Variants in KCNJ3 observed in about 807,000 individuals in gnomAD.
KCNJ3 encodes the protein potassium inwardly rectifying channel subfamily J member 3, also known as G protein-activated inward rectifier potassium channel 1.
Under a neutral mutation model 39.2 loss-of-function variants are expected in KCNJ3, and 4 were observed. The ratio of observed to expected loss-of-function variants is 0.10; its 90% CI spans 0.05 to 0.23. The LOEUF is 0.23. KCNJ3 is among the 10% of genes least tolerant of loss of function. The pLI is 1.00. For synonymous variants in KCNJ3, 230 were observed against 237.4 expected (o/e 0.97, Z 0.29); for missense variants, 276 against 634.9 (o/e 0.43, Z 6.08).
At chr2:154,748,227 T>C (rs1479090887) in intron 2 of KCNJ3, among the ~76,000 whole-genome samples, 2 of 152,066 alleles carry the variant, frequency 1.3e-5, no homozygotes, top group Non-Finnish European at 2.9e-5. Context: ...ACTGACTAAA[T>C]AACACTCTTT....
chr2:154,833,045 A>G (rs943405557), intron 2 of KCNJ3, among the ~76,000 whole-genome samples: 1 of 152,244 alleles, frequency 6.6e-6, no homozygotes, highest in African/African-American at 2.4e-5. Flanking sequence ...TTAAATTTTT[A>G]AAATTCCTTG....
Position 154,856,274 on chromosome 2 carries a change from G to A in KCNJ3, c.*961G>A, listed in dbSNP as rs1169681867. On this transcript the variant is annotated 3_prime_UTR_variant, in exon 3 of 3. Coordinates refer to ENST00000295101, the MANE Select transcript of KCNJ3 (RefSeq NM_002239.4). ...CACTGAATCATGTTAATAGACAGTA[G>A]CCAAGTTATATTGAATATATCAGAA... The A allele has an allele frequency of 6.6e-6, 1 of 152,530 alleles. No homozygotes were observed. Among genetic ancestry groups the A allele is most frequent in the African/African-American group, 2.4e-5 (1 of 41,440 alleles). 9.4% of individuals were successfully genotyped at this position (152,530 alleles called of 1,614,324 possible). A position where few individuals can be genotyped will look rare whatever the true frequency, so the allele number is the denominator to read the frequency against.
intron 2 of KCNJ3, among the ~76,000 whole-genome samples, chr2:154,776,292 G>A (rs1038487320): frequency 2.0e-5 from 3 of 151,974 alleles, no homozygotes; most frequent in East Asian, 1.9e-4. Flanking sequence ...GTGAGCCACC[G>A]CTCCCGGCCA....
At chr2:154,738,380 A>C (rs1685584259) in intron 2 of KCNJ3, among the ~76,000 whole-genome samples, 1 of 152,108 alleles carries the variant, frequency 6.6e-6, no homozygotes, top group Non-Finnish European at 1.5e-5. Context: ...ACAGTCAATA[A>C]TAACTTAATT....
chr2:154,729,942 G>GCAA (rs1685422680), intron 2 of KCNJ3, among the ~76,000 whole-genome samples: 3 of 152,008 alleles, frequency 2.0e-5, no homozygotes, highest in Admixed American at 2.0e-4. Context: ...CAGTCAGGCT[G>GCAA]ATCCATTTGC....
chr2:154,820,667 C>T (rs1414549796), intron 2 of KCNJ3, among the ~76,000 whole-genome samples: 1 of 152,144 alleles, frequency 6.6e-6, no homozygotes, highest in Non-Finnish European at 1.5e-5. Flanking sequence ...CTGGCAGTTA[C>T]AGCTTTCAGT....
chr2:154,810,015 A>G (rs185971348), intron 2 of KCNJ3, among the ~76,000 whole-genome samples: 14 of 152,184 alleles, frequency 9.2e-5, no homozygotes, highest in South Asian at 4.2e-4. Context: ...TGGAACAATT[A>G]TATGTGCAAG....
intron 2 of KCNJ3, among the ~76,000 whole-genome samples, chr2:154,849,591 C>T (rs1687720704): frequency 6.6e-6 from 1 of 152,152 alleles, no homozygotes; most frequent in African/African-American, 2.4e-5. Context: ...TTCTGTGTCA[C>T]AGCATTCAGA....
rs183286594 is a variant in KCNJ3 at position 154,845,275 on chromosome 2, C to T, written c.920-9452C>T. Among the ~76,000 whole-genome samples, 15 of 152,090 alleles carry T rather than the reference C, an allele frequency of 9.9e-5. 1 individual carries two copies. Among genetic ancestry groups the T allele is most frequent in the South Asian group, 6.2e-4 (3 of 4,816 alleles). ...CTGGGATTAGAGACATGTGCCACCA[C>T]GCCCAGCTGATTTTTGTATTTTTAG... is the stretch of plus-strand genomic sequence containing the variant. On this transcript the variant is annotated intron_variant, in intron 2 of 2. Coordinates refer to ENST00000295101, the MANE Select transcript of KCNJ3 (RefSeq NM_002239.4).
intron 2 of KCNJ3, among the ~76,000 whole-genome samples, chr2:154,733,955 A>C (rs1344521029): frequency 6.6e-6 from 1 of 152,162 alleles, no homozygotes; most frequent in Non-Finnish European, 1.5e-5. Context: ...AGGAGCATCC[A>C]AGATTTATGA....
intron 2 of KCNJ3, among the ~76,000 whole-genome samples, chr2:154,835,400 G>A (rs1687439074): frequency 7.1e-6 from 1 of 141,836 alleles, no homozygotes; most frequent in Non-Finnish European, 1.5e-5. Flanking sequence ...CTAGCAAAGG[G>A]ATGTTAAAAT....
At chr2:154,733,279 T>A (rs1187131467) in intron 2 of KCNJ3, among the ~76,000 whole-genome samples, 2 of 152,076 alleles carry the variant, frequency 1.3e-5, no homozygotes, top group Non-Finnish European at 2.9e-5. Context: ...AATTTTAAAT[T>A]TAAATTTAAA....
intron 2 of KCNJ3, among the ~76,000 whole-genome samples, chr2:154,773,012 C>A (rs901819914): frequency 1.4e-4 from 21 of 152,056 alleles, no homozygotes; most frequent in Admixed American, 1.2e-3. Context: ...GATCTACAAT[C>A]CATGAATCCT....
chr2:154,844,167 TTC>T lies in KCNJ3; in HGVS notation c.920-10558_920-10557del, dbSNP rs1448118813. On this transcript the variant is annotated intron_variant, in intron 2 of 2. Coordinates refer to ENST00000295101, the MANE Select transcript of KCNJ3 (RefSeq NM_002239.4). Reference sequence around the variant, plus strand: ...TTTTGTTGATGTTGATGCTATTCCTTTCTGTTTGTTAGTTTTCCTTCTAACAA... The same window carrying T: ...TTTTGTTGATGTTGATGCTATTCCTTTGTTTGTTAGTTTTCCTTCTAACAA... 7.2e-5 allele frequency among the ~76,000 whole-genome samples: 11 copies of T among 152,348 alleles called. No individual in the cohort carries two copies. In the South Asian group the frequency reaches 2.1e-3, roughly 29 times the overall value.
At chr2:154,798,294 TAA>T (rs1302259618) in intron 2 of KCNJ3, among the ~76,000 whole-genome samples, 3 of 151,882 alleles carry the variant, frequency 2.0e-5, no homozygotes, top group East Asian at 1.9e-4. Flanking sequence ...TGGTTAAACT[TAA>T]AAGATTCCTA....
At chr2:154,822,010 T>C (rs1687191698) in intron 2 of KCNJ3, among the ~76,000 whole-genome samples, 1 of 152,082 alleles carries the variant, frequency 6.6e-6, no homozygotes, top group African/African-American at 2.4e-5. Flanking sequence ...GTGCAATCAT[T>C]CTATTTTCTT....
At chr2:154,791,892 A>AT (rs1686640712) in intron 2 of KCNJ3, among the ~76,000 whole-genome samples, 1 of 152,092 alleles carries the variant, frequency 6.6e-6, no homozygotes, top group African/African-American at 2.4e-5. Context: ...TACAGGCGAG[A>AT]TTTTGTATAA....
intron 2 of KCNJ3, among the ~76,000 whole-genome samples, chr2:154,792,673 C>G (rs184174147): frequency 2.7e-4 from 41 of 152,238 alleles, no homozygotes; most frequent in Non-Finnish European, 3.2e-4. Flanking sequence ...TCATTCTCTA[C>G]TTTTTCATCA....
intron 2 of KCNJ3, among the ~76,000 whole-genome samples, chr2:154,736,637 G>A (rs976504852): frequency 2.6e-5 from 4 of 152,054 alleles, no homozygotes; most frequent in Admixed American, 2.6e-4. Context: ...GAAAAGAACA[G>A]ACTCTTATCT....
Sources: allele counts gnomAD v4.1 joint callset (sites outside exome capture counted in the v4.1 genomes callset), GRCh38; gene constraint gnomAD v4.1.1; transcripts MANE v1.5; gene names NCBI Gene and HGNC (gene_info 2026-07-23, HGNC 2026-07-21).